IMPG1: variants seen among roughly 807,000 people sequenced by gnomAD.
IMPG1 encodes the protein interphotoreceptor matrix proteoglycan of 150 kDa.
In IMPG1, 85 loss-of-function variants were observed where a neutral mutation model predicts 92.0. The ratio of observed to expected loss-of-function variants is 0.92; its 90% CI spans 0.78 to 1.11. The LOEUF is 1.11. Ranked by LOEUF, IMPG1 falls within the 50% of genes least tolerant of loss-of-function variation. The probability of loss-of-function intolerance (pLI) is 0.00; values close to 1 mark genes in which losing one functional copy is unlikely to be tolerated. For missense variants in IMPG1, 1,022 were observed against 956.0 expected (o/e 1.07, Z -0.91); for synonymous variants, 367 against 334.1 (o/e 1.10, Z -1.08).
intron 12 of IMPG1, among the ~76,000 whole-genome samples, chr6:75,980,979 G>C (rs1175054164): frequency 1.3e-5 from 2 of 152,164 alleles, no homozygotes; most frequent in African/African-American, 4.8e-5. Flanking sequence ...GAAGCCCTCT[G>C]GGGGATTCTG....
At chr6:76,026,500 C>T (rs1453028654) in intron 4 of IMPG1, among the ~76,000 whole-genome samples, 1 of 152,160 alleles carries the variant, frequency 6.6e-6, no homozygotes, top group Non-Finnish European at 1.5e-5. Context: ...GCAGCAGCTC[C>T]CCGCTGCTCT....
At chr6:76,038,032 A>G (rs184305341) in intron 2 of IMPG1, among the ~76,000 whole-genome samples, 66 of 152,354 alleles carry the variant, frequency 4.3e-4, no homozygotes, top group Admixed American at 7.2e-4. Context: ...ACTGGCAGGC[A>G]TCATAACTGA....
chr6:76,071,728 T>C (rs959042723), intron 1 of IMPG1, among the ~76,000 whole-genome samples: 1 of 152,144 alleles, frequency 6.6e-6, no homozygotes, highest in Non-Finnish European at 1.5e-5. Flanking sequence ...TATATTATGA[T>C]AGGTAGGCTT....
chr6:75,964,512 T>C (rs780414474), intron 12 of IMPG1, among the ~76,000 whole-genome samples: 140 of 151,478 alleles, frequency 9.2e-4, no homozygotes, highest in Non-Finnish European at 1.3e-3. Context: ...CCCCATCTCT[T>C]CTAAAAATAC....
chr6:76,054,471 AT>A (rs1459997688), intron 1 of IMPG1, among the ~76,000 whole-genome samples: 2 of 152,214 alleles, frequency 1.3e-5, no homozygotes, highest in Non-Finnish European at 2.9e-5. Flanking sequence ...GTCAGACTAC[AT>A]TTAAAAAGGT....
intron 14 of IMPG1, among the ~76,000 whole-genome samples, chr6:75,942,928 G>T (rs2149454520): frequency 6.6e-6 from 1 of 152,280 alleles, no homozygotes; most frequent in South Asian, 2.1e-4. Context: ...TTCTGTAACT[G>T]TACAGGCTTT....
chr6:76,065,848 A>G (rs1422443409), intron 1 of IMPG1, among the ~76,000 whole-genome samples: 1 of 152,144 alleles, frequency 6.6e-6, no homozygotes, highest in Non-Finnish European at 1.5e-5. Context: ...AATCACCTAT[A>G]AGTGAAATCT....
At chr6:76,035,784 T>C (rs1162192822) in intron 2 of IMPG1, among the ~76,000 whole-genome samples, 2 of 152,210 alleles carry the variant, frequency 1.3e-5, no homozygotes, top group Non-Finnish European at 2.9e-5. Flanking sequence ...CCTATTCTTA[T>C]TGTGGCACGG....
chr6:75,927,988 C>T (rs927800299), intron 15 of IMPG1, among the ~76,000 whole-genome samples: 5 of 152,082 alleles, frequency 3.3e-5, no homozygotes, highest in South Asian at 2.1e-4. Context: ...ATCTCACTTA[C>T]GACAACCTAG....
intron 14 of IMPG1, among the ~76,000 whole-genome samples, chr6:75,931,995 T>C (rs1288875832): frequency 6.6e-6 from 1 of 152,258 alleles, no homozygotes. Flanking sequence ...AGAACAGGCC[T>C]CTTGTCATCA....
chr6:76,036,812 A>G (rs1199049587), intron 2 of IMPG1, among the ~76,000 whole-genome samples: 5 of 21,386 alleles, frequency 2.3e-4, no homozygotes, highest in African/African-American at 6.9e-4. Flanking sequence ...ATTCTACTAG[A>G]TACATGAGAA....
intron 5 of IMPG1, among the ~76,000 whole-genome samples, chr6:76,023,569 G>A (rs949419009): frequency 6.6e-6 from 1 of 152,140 alleles, no homozygotes; most frequent in African/African-American, 2.4e-5. Context: ...TAGGCACCTA[G>A]TAACATTTCC....
At chr6:76,049,896 G>GTTAT (rs1784007494) in intron 1 of IMPG1, among the ~76,000 whole-genome samples, 1 of 152,134 alleles carries the variant, frequency 6.6e-6, no homozygotes, top group South Asian at 2.1e-4. Context: ...GGAGGTTGGT[G>GTTAT]TTATTTATTT....
chr6:75,935,234 T>C (rs1175429727), intron 14 of IMPG1, among the ~76,000 whole-genome samples: 1 of 152,182 alleles, frequency 6.6e-6, no homozygotes, highest in African/African-American at 2.4e-5. Context: ...ATTCACGCGG[T>C]AGCAGGAGCA....
intron 7 of IMPG1, among the ~76,000 whole-genome samples, chr6:76,013,802 CA>C (rs1266506193): frequency 4.6e-5 from 7 of 152,312 alleles, no homozygotes; most frequent in Non-Finnish European, 1.5e-5. Context: ...AAATTACTGC[CA>C]ACTTTACATT....
chr6:75,942,864 G>A (rs989232950), intron 14 of IMPG1, among the ~76,000 whole-genome samples: 1 of 152,158 alleles, frequency 6.6e-6, no homozygotes, highest in Admixed American at 6.5e-5. Flanking sequence ...TAATAATTTT[G>A]TATGTATTTC....
chr6:76,037,857 G>T (rs1783767630), intron 2 of IMPG1, among the ~76,000 whole-genome samples: 1 of 152,208 alleles, frequency 6.6e-6, no homozygotes, highest in Admixed American at 6.5e-5. Context: ...AAACATCGGG[G>T]AAGATATTAT....
intron 12 of IMPG1, among the ~76,000 whole-genome samples, chr6:75,999,558 CTTTT>C (rs1158747830): frequency 2.0e-5 from 3 of 151,476 alleles, no homozygotes; most frequent in African/African-American, 7.3e-5. Context: ...TGCCCCTGCA[CTTTT>C]TTTTTGTTTG....
Position 76,005,331 on chromosome 6 carries a change from T to C in IMPG1, c.1091A>G (p.Glu364Gly). 1.9e-6 allele frequency: 3 copies of C among 1,614,036 alleles called. No individual in the cohort carries two copies. Among genetic ancestry groups the C allele is most frequent in the Non-Finnish European group, 2.5e-6 (3 of 1,179,910 alleles). Residue 364 changes from glutamate (E) to glycine (G), a missense_variant, in exon 10 of 17, where the codon GAG becomes GGG. Around this residue, in one of 3 missense-constraint regions of IMPG1, gnomAD observed 681 missense variants for 583.6 expected, o/e 1.17. Transcript: ENST00000369950. ...DLKRLISKAL[E>G]EEQSLDVGTI... ...CCCCACATCCAAAGATTGTTCTTCC[T>C]CTAGTGCTTTGCTGATCAGCCTTTT...
Sources: gnomAD v4.1 joint callset for allele counts (sites outside exome capture counted in the v4.1 genomes callset) on GRCh38, gnomAD v4.1.1 for gene constraint, gnomAD v4.1.1 regional missense constraint, MANE v1.5 for transcripts, NCBI Gene and HGNC (gene_info 2026-07-23, HGNC 2026-07-21) for gene names.